Variants in MACF1 observed in about 807,000 individuals in gnomAD.
The protein encoded by MACF1 is microtubule actin crosslinking factor 1, also known as microtubule-actin cross-linking factor 1.
A neutral mutation model predicts 854.8 loss-of-function variants in MACF1; 193 were observed. The observed-to-expected ratio is 0.23, with a 90% CI of 0.20 to 0.25. MACF1 has a LOEUF of 0.25. MACF1 is among the 10% of genes least tolerant of loss of function. The pLI is 1.00. For synonymous variants in MACF1, 3,185 were observed against 3,226.7 expected, an observed-to-expected ratio of 0.99 and a Z score of 0.44; for missense variants, 7,722 against 8,929.1, an observed-to-expected ratio of 0.86 and a Z score of 5.45.
intron 2 of MACF1, among the ~76,000 whole-genome samples, chr1:39,110,054 C>T (rs529682683): frequency 1.3e-5 from 2 of 151,640 alleles, no homozygotes; most frequent in Admixed American, 1.3e-4. Flanking sequence ...ACAAAAAATA[C>T]AAGAAATAAA....
chr1:39,463,208 T>C (rs1084760), intron 93 of MACF1, among the ~76,000 whole-genome samples: 152,208 of 152,328 alleles, frequency 1, 76,045 homozygotes, highest in Middle Eastern at 1. Flanking sequence ...AATAATGAGC[T>C]GTGCGTGGTG....
chr1:39,195,615 A>G (rs1644309386), intron 2 of MACF1, among the ~76,000 whole-genome samples: 1 of 152,210 alleles, frequency 6.6e-6, no homozygotes, highest in African/African-American at 2.4e-5. Flanking sequence ...GGAACTGGAG[A>G]TAATTCTGTG....
At chr1:39,405,310 T>A (rs1642655792) in intron 58 of MACF1, among the ~76,000 whole-genome samples, 1 of 152,232 alleles carries the variant, frequency 6.6e-6, no homozygotes, top group Non-Finnish European at 1.5e-5. Flanking sequence ...TAAATAATGC[T>A]TGTAAAATCT....
intron 2 of MACF1, among the ~76,000 whole-genome samples, chr1:39,126,149 T>C (rs574492132): frequency 3.3e-5 from 5 of 152,344 alleles, no homozygotes; most frequent in Admixed American, 6.5e-5. Flanking sequence ...AGATATTTAT[T>C]GTCTTACAGT....
chr1:39,279,849 T>G (rs1645508611), intron 6 of MACF1, among the ~76,000 whole-genome samples: 1 of 152,206 alleles, frequency 6.6e-6, no homozygotes, highest in African/African-American at 2.4e-5. Context: ...CTTAACATTT[T>G]TCCTTGTTAA....
intron 1 of MACF1, among the ~76,000 whole-genome samples, chr1:39,208,160 A>G (rs1644474697): frequency 9.9e-6 from 1 of 101,476 alleles, no homozygotes; most frequent in Non-Finnish European, 2.3e-5. Flanking sequence ...AAAGAAATAT[A>G]AAAGGGTTTT....
rs1189459759 is a variant in MACF1 at position 39,301,027 on chromosome 1, A to G, written c.2634+665A>G. Among the ~76,000 whole-genome samples the G allele has an allele frequency of 2.6e-5, 4 of 152,282 alleles. No individual in the cohort carries two copies. In the East Asian group the frequency reaches 7.7e-4, roughly 29 times the overall value. On this transcript the variant is annotated intron_variant, in intron 22 of 100. Transcript: ENST00000564288. ...GAAACTCTGTCTCAAAAAAAATAAAAGGCATAAGTTTCTTTCACTTGGATT... is the reference window on the plus strand; with the variant it reads ...GAAACTCTGTCTCAAAAAAAATAAAGGGCATAAGTTTCTTTCACTTGGATT...
intron 2 of MACF1, among the ~76,000 whole-genome samples, chr1:39,190,422 T>TTTTC (rs1644240921): frequency 9.0e-5 from 10 of 111,656 alleles, no homozygotes; most frequent in South Asian, 3.3e-4. Context: ...TTTTTTTTGA[T>TTTTC]GGAATCTTGC....
At chr1:39,228,399 C>G (rs74066712) in intron 1 of MACF1, among the ~76,000 whole-genome samples, 4,584 of 152,118 alleles carry the variant, frequency 0.03, 232 homozygotes, top group African/African-American at 0.1. Flanking sequence ...AGTAGCCAGT[C>G]ATGAAGGGAA....
At chr1:39,193,359 A>G (rs1291789320) in intron 2 of MACF1, among the ~76,000 whole-genome samples, 1 of 152,054 alleles carries the variant, frequency 6.6e-6, no homozygotes, top group Non-Finnish European at 1.5e-5. Flanking sequence ...GGTTGACTAG[A>G]TATTCTTGTC....
At chr1:39,229,811 A>C (rs369952823) in intron 1 of MACF1, among the ~76,000 whole-genome samples, 1 of 152,130 alleles carries the variant, frequency 6.6e-6, no homozygotes, top group Non-Finnish European at 1.5e-5. Context: ...ATCACGGCTC[A>C]CTGCAACGTC....
intron 2 of MACF1, among the ~76,000 whole-genome samples, chr1:39,142,126 C>T (rs2148185797): frequency 6.6e-6 from 1 of 152,262 alleles, no homozygotes; most frequent in South Asian, 2.1e-4. Context: ...CTTTATCCTC[C>T]ACAGCTGCCT....
intron 43 of MACF1, among the ~76,000 whole-genome samples, chr1:39,352,058 G>C: frequency 6.6e-6 from 1 of 152,148 alleles, no homozygotes; most frequent in East Asian, 1.9e-4. Flanking sequence ...ATGACCTTCT[G>C]CACCCCACTC....
intron 1 of MACF1, among the ~76,000 whole-genome samples, chr1:39,219,629 T>C (rs1353997496): frequency 6.6e-6 from 1 of 152,240 alleles, no homozygotes; most frequent in Non-Finnish European, 1.5e-5. Context: ...ACCAATTTCC[T>C]TTGCGCTTAC....
At chr1:39,474,928 C>T (rs1321493206) in intron 97 of MACF1, among the ~76,000 whole-genome samples, 1 of 152,100 alleles carries the variant, frequency 6.6e-6, no homozygotes, top group East Asian at 1.9e-4. Context: ...ACAGAAGTGT[C>T]AACAGCTGAA....
intron 58 of MACF1, among the ~76,000 whole-genome samples, chr1:39,416,013 T>C (rs1643294061): frequency 6.6e-6 from 1 of 152,204 alleles, no homozygotes; most frequent in South Asian, 2.1e-4. Flanking sequence ...CTCATTCACC[T>C]CACTGCAGAG....
chr1:39,395,772 C>T (rs1346995162), intron 58 of MACF1, among the ~76,000 whole-genome samples: 2 of 151,958 alleles, frequency 1.3e-5, no homozygotes, highest in Non-Finnish European at 2.9e-5. Flanking sequence ...CCCACCATAG[C>T]AACTGGATGT....
chr1:39,147,215 C>G (rs1643486410), intron 2 of MACF1, among the ~76,000 whole-genome samples: 1 of 151,054 alleles, frequency 6.6e-6, no homozygotes, highest in African/African-American at 2.4e-5. Flanking sequence ...CCTCACCTTC[C>G]CCTTTTCCCT....
chr1:39,331,122 G>A, intron 36 of MACF1, 81 bp from the exon 37 acceptor site: 1 of 1,438,060 alleles, frequency 7.0e-7, no homozygotes, highest in Non-Finnish European at 9.1e-7. Flanking sequence ...CCTTTCAATA[G>A]TTGTGCTTTG....
Sources: allele counts gnomAD v4.1 joint callset (sites outside exome capture counted in the v4.1 genomes callset), GRCh38; gene constraint gnomAD v4.1.1; transcripts MANE v1.5; gene names NCBI Gene and HGNC (gene_info 2026-07-23, HGNC 2026-07-21).